AGBL1: variants seen among roughly 807,000 people sequenced by gnomAD.
The protein encoded by AGBL1 is AGBL carboxypeptidase 1.
Under a neutral mutation model 118.9 loss-of-function variants are expected in AGBL1, and 130 were observed. That is an observed-to-expected ratio of 1.09 (90% CI 0.95 to 1.26). The LOEUF (loss-of-function observed/expected upper bound fraction) is 1.26. Among genes scored for constraint, AGBL1 ranks in the 50% most tolerant of loss-of-function variants. The probability of loss-of-function intolerance (pLI) is 0.00; values close to 1 mark genes in which losing one functional copy is unlikely to be tolerated. For synonymous variants in AGBL1, 555 were observed against 478.9 expected, an observed-to-expected ratio of 1.16 and a Z score of -2.08; for missense variants, 1,584 against 1,298.1, an observed-to-expected ratio of 1.22 and a Z score of -3.38.
intron 17 of AGBL1, among the ~76,000 whole-genome samples, chr15:86,385,335 G>A (rs936640402): frequency 3.3e-5 from 5 of 152,148 alleles, no homozygotes; most frequent in African/African-American, 1.2e-4. Context: ...TTATATCTCT[G>A]TTGAACAGGG....
intron 22 of AGBL1, among the ~76,000 whole-genome samples, chr15:86,847,763 C>A (rs77913973): frequency 2.6e-5 from 4 of 152,236 alleles, no homozygotes; most frequent in East Asian, 3.9e-4. Context: ...TGGAGTCAGA[C>A]AGTGATGTGT....
chr15:86,287,083 T>C (rs2079466829), intron 16 of AGBL1, among the ~76,000 whole-genome samples: 1 of 152,160 alleles, frequency 6.6e-6, no homozygotes, highest in African/African-American at 2.4e-5. Context: ...TGGTTTTATT[T>C]TGCATGTCTC....
intron 2 of AGBL1, among the ~76,000 whole-genome samples, chr15:86,142,288 G>A (rs565711773): frequency 5.3e-5 from 8 of 152,310 alleles, no homozygotes; most frequent in South Asian, 2.1e-4. Context: ...CACTGAGGAG[G>A]AAATTAGATT....
intron 17 of AGBL1, among the ~76,000 whole-genome samples, chr15:86,386,946 G>A (rs2081205820): frequency 6.6e-6 from 1 of 152,172 alleles, no homozygotes; most frequent in South Asian, 2.1e-4. Context: ...TGACATAACT[G>A]GGCATGGAGG....
At chr15:86,940,632 T>TA (rs1441630465) in intron 23 of AGBL1, among the ~76,000 whole-genome samples, 1 of 152,186 alleles carries the variant, frequency 6.6e-6, no homozygotes, top group Non-Finnish European at 1.5e-5. Flanking sequence ...TGGAGTCACT[T>TA]ATGCTGAGGC....
chr15:87,020,585 A>G (rs1017777959), intron 24 of AGBL1, among the ~76,000 whole-genome samples: 1 of 152,096 alleles, frequency 6.6e-6, no homozygotes, highest in Non-Finnish European at 1.5e-5. Flanking sequence ...TCATGATCCT[A>G]TATCTAGAAA....
rs534621806 is a variant in AGBL1 at position 86,816,455 on chromosome 15, C to T, written c.3159-90632C>T. On this transcript the variant is annotated intron_variant, in intron 22 of 22. Transcript: ENST00000614907. ...AGGCAGTTCAGTTGACAGGTGACAT[C>T]GACACCAAAGAAATATCAGGAGGAT... 1.6e-3 allele frequency among the ~76,000 whole-genome samples: 243 copies of T among 152,148 alleles called. 1 individual carries two copies. The highest frequency in any genetic ancestry group is 5.4e-3 in the African/African-American group (223 of 41,482).
At chr15:86,772,049 TG>T (rs1481735856) in intron 22 of AGBL1, among the ~76,000 whole-genome samples, 1 of 152,036 alleles carries the variant, frequency 6.6e-6, no homozygotes, top group Non-Finnish European at 1.5e-5. Context: ...ACAGTGTGGC[TG>T]GATCTGAGAG....
intron 22 of AGBL1, among the ~76,000 whole-genome samples, chr15:86,874,155 T>C (rs2079770263): frequency 6.6e-6 from 1 of 152,142 alleles, no homozygotes; most frequent in African/African-American, 2.4e-5. Flanking sequence ...TTTCCTATAA[T>C]ATCATGAAAA....
chr15:86,515,651 G>T (rs1448880403), intron 18 of AGBL1, among the ~76,000 whole-genome samples: 2 of 152,144 alleles, frequency 1.3e-5, no homozygotes, highest in African/African-American at 2.4e-5. Flanking sequence ...CAAAATGTCA[G>T]CTGGTTGCAA....
At chr15:86,597,176 T>C (rs1000136415) in intron 21 of AGBL1, among the ~76,000 whole-genome samples, 24 of 111,048 alleles carry the variant, frequency 2.2e-4, no homozygotes, top group African/African-American at 7.6e-4. Context: ...TCCATCCATC[T>C]CTCTTATCTA....
At chr15:86,884,417 A>C (rs2079940451) in intron 22 of AGBL1, among the ~76,000 whole-genome samples, 1 of 152,252 alleles carries the variant, frequency 6.6e-6, no homozygotes, top group South Asian at 2.1e-4. Flanking sequence ...GGAATTTTCC[A>C]TTCATTGTTT....
At chr15:86,866,364 T>C (rs143725628) in intron 22 of AGBL1, among the ~76,000 whole-genome samples, 1 of 152,338 alleles carries the variant, frequency 6.6e-6, no homozygotes, top group Non-Finnish European at 1.5e-5. Context: ...TTCATGTCGC[T>C]ATGGCATTGA....
At chr15:87,023,668 A>C (rs2081693046) in intron 24 of AGBL1, among the ~76,000 whole-genome samples, 1 of 152,066 alleles carries the variant, frequency 6.6e-6, no homozygotes, top group Non-Finnish European at 1.5e-5. Flanking sequence ...CCATCCAACA[A>C]CTGCAGAATA....
chr15:86,448,436 G>A (rs542820980), intron 18 of AGBL1, among the ~76,000 whole-genome samples: 1 of 152,304 alleles, frequency 6.6e-6, no homozygotes, highest in African/African-American at 2.4e-5. Flanking sequence ...GCCATGCGTA[G>A]TTGACTACTA....
At chr15:86,924,864 A>G (rs2080514819) in intron 23 of AGBL1, among the ~76,000 whole-genome samples, 1 of 152,102 alleles carries the variant, frequency 6.6e-6, no homozygotes, top group Non-Finnish European at 1.5e-5. Context: ...TCACAAAGTC[A>G]GGAGATTGAG....
intron 5 of AGBL1, among the ~76,000 whole-genome samples, chr15:86,184,682 T>C (rs1597508362): frequency 6.6e-6 from 1 of 152,180 alleles, no homozygotes; most frequent in South Asian, 2.1e-4. Flanking sequence ...TACTCCTTTT[T>C]CTCTAACCTT....
At chr15:87,004,608 A>G (rs1162812418) in intron 24 of AGBL1, among the ~76,000 whole-genome samples, 1 of 152,120 alleles carries the variant, frequency 6.6e-6, no homozygotes, top group Admixed American at 6.5e-5. Context: ...GGTCTCCTGA[A>G]TACAGCACAC....
rs964609945 is a variant in AGBL1 at position 86,915,561 on chromosome 15, C to A, written c.*8267C>A. ...TCTCCCATGATCTGATTCTGAGTTC[C>A]TACTGTCATCTTGGAGAAACCCAGT... On this transcript the variant is annotated 3_prime_UTR_variant, in exon 23 of 23. Coordinates refer to ENST00000614907, the MANE Select transcript of AGBL1 (RefSeq NM_001386094.1). 3 of 152,178 alleles carry A rather than the reference C, an allele frequency of 2.0e-5. No homozygotes were observed. The highest frequency in any genetic ancestry group is 4.8e-5 in the African/African-American group (2 of 41,420). The allele number at this position is 152,178 out of a possible 1,614,324, so 9.4% of individuals were successfully genotyped here.
Sources: gnomAD v4.1 joint callset for allele counts (sites outside exome capture counted in the v4.1 genomes callset) on GRCh38, gnomAD v4.1.1 for gene constraint, MANE v1.5 for transcripts, NCBI Gene and HGNC (gene_info 2026-07-23, HGNC 2026-07-21) for gene names.